Variants in NLRP11 observed in about 807,000 individuals in gnomAD.
The protein encoded by NLRP11 is NACHT, LRR and PYD domains-containing protein 11.
Under a neutral mutation model 79.3 loss-of-function variants are expected in NLRP11, and 53 were observed. The ratio of observed to expected loss-of-function variants is 0.67; its 90% CI spans 0.54 to 0.84. NLRP11 has a LOEUF of 0.84. Among genes scored for constraint, NLRP11 ranks in the 40% least tolerant of loss-of-function variants. The pLI is 0.00. For synonymous variants in NLRP11, 518 were observed against 462.6 expected, an observed-to-expected ratio of 1.12 and a Z score of -1.54; for missense variants, 1,264 against 1,255.0, an observed-to-expected ratio of 1.01 and a Z score of -0.11.
At chr19:55,802,516 C>A (rs1319522920) in intron 4 of NLRP11, among the ~76,000 whole-genome samples, 2 of 152,074 alleles carry the variant, frequency 1.3e-5, no homozygotes, top group Non-Finnish European at 2.9e-5. Flanking sequence ...GATCAGATGA[C>A]ACAAACAAAT....
At chr19:55,818,496 C>G (rs1318866115) in intron 1 of NLRP11, among the ~76,000 whole-genome samples, 1 of 152,178 alleles carries the variant, frequency 6.6e-6, no homozygotes, top group Non-Finnish European at 1.5e-5. Flanking sequence ...TAGCAAATAG[C>G]ATATAGGTTG....
At chr19:55,808,497 A>G (rs1175267943) in intron 3 of NLRP11, among the ~76,000 whole-genome samples, 1 of 152,168 alleles carries the variant, frequency 6.6e-6, no homozygotes, top group Non-Finnish European at 1.5e-5. Context: ...GCCACAGGAG[A>G]GACCAGAGAT....
chr19:55,811,671 T>C (rs1346473682), intron 2 of NLRP11, among the ~76,000 whole-genome samples: 2 of 151,980 alleles, frequency 1.3e-5, no homozygotes, highest in African/African-American at 2.4e-5. Context: ...CTATGACGTT[T>C]AGTATACAAT....
intron 9 of NLRP11, among the ~76,000 whole-genome samples, chr19:55,787,753 A>T (rs1989970851): frequency 6.6e-6 from 1 of 152,096 alleles, no homozygotes; most frequent in South Asian, 2.1e-4. Flanking sequence ...AACCTGACAA[A>T]CAGTTGCTGT....
At position 55,809,438 on chromosome 19, in the gene NLRP11, A is replaced by C. The variant is rs974162965; in HGVS notation, c.1172T>G (p.Leu391Arg). The C allele has an allele frequency of 2.4e-5, 39 of 1,614,062 alleles. 1 individual carries two copies. The highest frequency in any genetic ancestry group is 3.0e-5 in the Non-Finnish European group (35 of 1,180,034). ...CAAACACAGACGTTTTAGGAGACCT[A>C]GGTGATACTGATTGGCAGTAAGTCC... Residue 391 changes from leucine to arginine, a missense_variant, in exon 3 of 10, where the codon CTA (leucine) becomes CGA (arginine). Leu to Arg is a moderately radical substitution (Grantham distance 102, BLOSUM62 -2). Coordinates refer to ENST00000589093, the Ensembl canonical transcript of NLRP11. This position sits in a 1 kb window ranked among gnomAD's most constrained non-coding sequence, Gnocchi z 4.5.
rs544803405 is a variant in NLRP11 at position 55,800,756 on chromosome 19, C to T, written c.2171+816G>A. Among the ~76,000 whole-genome samples, 16 of 152,164 alleles carry T rather than the reference C, an allele frequency of 1.1e-4. No individual in the cohort carries two copies. The South Asian group carries it at 1.7e-3, about 16-fold the overall frequency. On this transcript the variant is annotated intron_variant, in intron 5 of 9. Transcript: ENST00000589093. ...CATTTCTGATGAAAATGTGCCCGAG[C>T]GGCGATGTTCTCTGTGAAATACTGG...
rs1980345342 is a variant in NLRP11 at position 55,809,331 on chromosome 19, C to T, written c.1279G>A (p.Val427Ile). The change falls in exon 3 of 10, where the codon GTC becomes ATC. Residue 427 changes from valine to isoleucine, a missense_variant. Val to Ile is a conservative substitution (Grantham distance 29). Coordinates refer to ENST00000589093, the Ensembl canonical transcript of NLRP11. The surrounding 1 kb of genome is among the most constrained non-coding windows in gnomAD (Gnocchi z 4.5). ...ATATTCGCGGCCTGCAACACAGAGA[C>T]ATCAGCCTCAGTAAACCCAACACAT... The T allele has an allele frequency of 6.2e-7, 1 of 1,614,144 alleles. No individual in the cohort carries two copies. Among genetic ancestry groups the T allele is most frequent in the Non-Finnish European group, 8.5e-7 (1 of 1,180,004 alleles).
intron 1 of NLRP11, 44 bp from the exon 2 acceptor site, chr19:55,818,280 G>T: frequency 1.2e-6 from 1 of 849,482 alleles, no homozygotes; most frequent in Non-Finnish European, 1.8e-6. Context: ...ACACAGTAAT[G>T]CCAATTCATC....
Position 55,809,795 on chromosome 19 carries a change from CA to C in NLRP11, c.814del (p.Trp272GlyfsTer14). 1 of 1,614,146 alleles carries C rather than the reference CA, an allele frequency of 6.2e-7. No homozygotes were observed. The highest frequency in any genetic ancestry group is 8.5e-7 in the Non-Finnish European group (1 of 1,180,020). On this transcript the variant is annotated frameshift_variant, in exon 3 of 10. Coordinates refer to ENST00000589093, the Ensembl canonical transcript of NLRP11. LOFTEE classifies it high-confidence loss of function. This position sits in a 1 kb window ranked among gnomAD's most constrained non-coding sequence, Gnocchi z 4.5. ...TGTGGGCCTTGAGGAGATGAGGAAC[CA>C]GCAGCCTGGAGCCATTTTTCTCTTC...
intron 4 of NLRP11, among the ~76,000 whole-genome samples, chr19:55,804,839 T>A (rs1347928690): frequency 6.6e-6 from 1 of 151,924 alleles, no homozygotes; most frequent in Admixed American, 6.6e-5. Flanking sequence ...CCGAGACAGG[T>A]GGATCACGAG....
chr19:55,830,651 T>G (rs886861192), intron 1 of NLRP11, among the ~76,000 whole-genome samples: 5 of 151,352 alleles, frequency 3.3e-5, no homozygotes, highest in African/African-American at 1.2e-4. Context: ...CTCTTATTAC[T>G]TTTCCCAAAG....
At chr19:55,803,254 G>A (rs1182129358) in intron 4 of NLRP11, among the ~76,000 whole-genome samples, 2 of 152,144 alleles carry the variant, frequency 1.3e-5, no homozygotes, top group African/African-American at 4.8e-5. Flanking sequence ...GGCTGAGGCA[G>A]GAGAAGCACT....
intron 4 of NLRP11, among the ~76,000 whole-genome samples, chr19:55,806,966 G>A (rs28735965): frequency 0.07 from 10,688 of 151,926 alleles, 788 homozygotes; most frequent in African/African-American, 0.18. Context: ...ACTACAGCCT[G>A]TACCCTCCCA....
chr19:55,811,785 CTATT>C, intron 2 of NLRP11, among the ~76,000 whole-genome samples: 1 of 152,178 alleles, frequency 6.6e-6, no homozygotes, highest in African/African-American at 2.4e-5. Flanking sequence ...TGGAAGATGT[CTATT>C]TAGGTGTTTT....
intron 1 of NLRP11, among the ~76,000 whole-genome samples, chr19:55,830,840 C>T (rs115405933): frequency 0.023 from 3,557 of 152,152 alleles, 144 homozygotes; most frequent in East Asian, 0.13. Flanking sequence ...CCCAAGTCGG[C>T]GTTGCATCAG....
At chr19:55,792,333 C>T (rs1978343568) in exon 7 of NLRP11, 4 of 1,614,172 alleles carry the variant, frequency 2.5e-6, no homozygotes, top group Non-Finnish European at 3.4e-6. Context: ...TTGGAAACAG[C>T]AAGGGAAACG....
At position 55,809,702 on chromosome 19, in the gene NLRP11, C is replaced by G. The variant is rs758289556; in HGVS notation, c.908G>C (p.Gly303Ala). 6.2e-7 allele frequency: 1 copy of G among 1,614,160 alleles called. No homozygotes were observed. The highest frequency in any genetic ancestry group is 1.7e-5 in the Admixed American group (1 of 60,018). ...AGAGTTAAAATATATCTCCCTCTTC[C>G]CATTCGACAGCTGCAAGGTCGTGCA... is the stretch of plus-strand genomic sequence containing the variant. Residue 303 changes from glycine (G) to alanine (A), a missense_variant, in exon 3 of 10, where the codon GGG becomes GCG. By Grantham distance (60) the Gly-to-Ala change is moderately conservative. Transcript: ENST00000589093. This position sits in a 1 kb window ranked among gnomAD's most constrained non-coding sequence, Gnocchi z 4.5.
At chr19:55,802,700 C>T (rs1160242580) in intron 4 of NLRP11, among the ~76,000 whole-genome samples, 1 of 151,982 alleles carries the variant, frequency 6.6e-6, no homozygotes, top group Non-Finnish European at 1.5e-5. Flanking sequence ...GCCCCAATAC[C>T]CAAGACAATC....
chr19:55,803,777 G>A (rs1465584012), intron 4 of NLRP11, among the ~76,000 whole-genome samples: 5 of 151,990 alleles, frequency 3.3e-5, no homozygotes, highest in East Asian at 3.9e-4. Context: ...GAATGGCTAC[G>A]ATTTAAGAAT....
Sources: allele counts gnomAD v4.1 joint callset (sites outside exome capture counted in the v4.1 genomes callset), GRCh38; gene constraint gnomAD v4.1.1; non-coding constraint Gnocchi (gnomAD v3.1); transcripts MANE v1.5; gene names NCBI Gene and HGNC (gene_info 2026-07-23, HGNC 2026-07-21).